The following FREM1 variants were observed in gnomAD, a reference collection of about 807,000 sequenced individuals.
FREM1 encodes the protein FRAS1-related extracellular matrix protein 1.
In FREM1, 220 loss-of-function variants were observed where a neutral mutation model predicts 210.1. That is an observed-to-expected ratio of 1.05 (90% CI 0.94 to 1.17). The LOEUF (loss-of-function observed/expected upper bound fraction) is 1.17. Among genes scored for constraint, FREM1 ranks in the 50% most tolerant of loss-of-function variants. The pLI, the probability that FREM1 is intolerant of heterozygous loss-of-function variation, is 0.00. For synonymous variants in FREM1, 1,189 were observed against 980.2 expected, an observed-to-expected ratio of 1.21 and a Z score of -3.98; for missense variants, 3,454 against 2,675.5, an observed-to-expected ratio of 1.29 and a Z score of -6.42.
Position 14,851,275 on chromosome 9 carries a change from C to G in FREM1, c.1152+9G>C, listed in dbSNP as rs1827691926. 1.9e-6 allele frequency: 3 copies of G among 1,566,026 alleles called. No individual in the cohort carries two copies. The East Asian group carries it at 6.7e-5, about 35-fold the overall frequency. On this transcript the variant is annotated intron_variant, in intron 6 of 36. Coordinates refer to ENST00000380880, the MANE Select transcript of FREM1 (RefSeq NM_001379081.2). ...TAACTAGGCTGGAAGCTTTGTCTCTCCTTCTTACCTCATCATGTCTCCTCT... is the reference window on the plus strand; with the variant it reads ...TAACTAGGCTGGAAGCTTTGTCTCTGCTTCTTACCTCATCATGTCTCCTCT...
At chr9:14,893,448 T>C (rs1837216279) in intron 1 of FREM1, among the ~76,000 whole-genome samples, 1 of 152,348 alleles carries the variant, frequency 6.6e-6, no homozygotes, top group South Asian at 2.1e-4. Context: ...TGTAACCATG[T>C]GGCCCTGCTT....
At chr9:14,767,965 CAGG>C (rs1260280280) in intron 27 of FREM1, among the ~76,000 whole-genome samples, 2 of 152,070 alleles carry the variant, frequency 1.3e-5, no homozygotes, top group Non-Finnish European at 2.9e-5. Context: ...CCAACAAAAG[CAGG>C]AGGATATTTA....
At chr9:14,875,499 T>A (rs142145599) in intron 1 of FREM1, among the ~76,000 whole-genome samples, 1 of 152,236 alleles carries the variant, frequency 6.6e-6, no homozygotes, top group East Asian at 1.9e-4. Flanking sequence ...CTTCACGTAG[T>A]TCTCGAGCCT....
chr9:14,861,298 TATAC>T (rs1176146907), intron 3 of FREM1, among the ~76,000 whole-genome samples: 4 of 115,196 alleles, frequency 3.5e-5, no homozygotes, highest in African/African-American at 9.2e-5. Flanking sequence ...TATATACATA[TATAC>T]ACATATATAC....
intron 34 of FREM1, 41 bp downstream of exon 34, chr9:14,746,882 A>G (rs769747031): frequency 8.1e-6 from 13 of 1,602,540 alleles, no homozygotes; most frequent in Admixed American, 1.7e-5. Flanking sequence ...CATAGAGCAC[A>G]TTGCGAATAA....
chr9:14,905,897 A>T (rs1817610247), intron 1 of FREM1, among the ~76,000 whole-genome samples: 1 of 110,080 alleles, frequency 9.1e-6, no homozygotes, highest in African/African-American at 2.8e-5. Context: ...TCTCAAATTT[A>T]AAAAAAGAAA....
chr9:14,856,989 T>C lies in FREM1; in HGVS notation c.828+564A>G, dbSNP rs577297502. ...CACTTTCTGTCATTATTTCAATATA[T>C]AGAGATCAATAGGAGAAAAACAAGA... On this transcript the variant is annotated intron_variant, in intron 5 of 36. Transcript: ENST00000380880. 1.4e-4 allele frequency among the ~76,000 whole-genome samples: 21 copies of C among 152,250 alleles called. No homozygotes were observed. In the South Asian group the frequency reaches 4.1e-3, roughly 30 times the overall value.
At chr9:14,770,282 T>A (rs1847297089) in intron 26 of FREM1, among the ~76,000 whole-genome samples, 1 of 152,156 alleles carries the variant, frequency 6.6e-6, no homozygotes, top group African/African-American at 2.4e-5. Flanking sequence ...CATTTAGAAT[T>A]CATGACAGAA....
intron 5 of FREM1, 76 bp from the exon 6 acceptor site, chr9:14,851,683 T>C: frequency 8.7e-7 from 1 of 1,146,828 alleles, no homozygotes; most frequent in Non-Finnish European, 1.3e-6. Context: ...AATAGCATAA[T>C]ATTTAATACA....
chr9:14,863,889 A>C lies in FREM1; in HGVS notation c.249T>G (p.His83Gln). 1 of 1,608,366 alleles carries C rather than the reference A, an allele frequency of 6.2e-7. No individual in the cohort carries two copies. Among genetic ancestry groups the C allele is most frequent in the East Asian group, 2.2e-5 (1 of 44,860 alleles). The change falls in exon 3 of 37, where the codon CAT (histidine) becomes CAG (glutamine). Residue 83 changes from histidine (H) to glutamine (Q), a missense_variant. His to Gln is a conservative substitution (Grantham distance 24). Transcript: ENST00000380880. ...CATACTTGACTTCGTTGGGAAGGAA[A>C]TGGCAGTCAAAGACCTAGTTCACAT... is the stretch of plus-strand genomic sequence containing the variant. ...GKLTPQVFDC[H>Q]FLPNEVKYVH...
intron 1 of FREM1, among the ~76,000 whole-genome samples, chr9:14,897,590 ATTTTT>A (rs34932903): frequency 6.8e-6 from 1 of 146,324 alleles, no homozygotes; most frequent in Non-Finnish European, 1.5e-5. Flanking sequence ...TGTAATGATA[ATTTTT>A]TTTTTTTTTT....
intron 1 of FREM1, among the ~76,000 whole-genome samples, chr9:14,877,449 T>TTTTTTTTTTTTTTTTTTGA (rs1335221889): frequency 2.0e-5 from 3 of 150,982 alleles, no homozygotes; most frequent in Non-Finnish European, 4.4e-5. Context: ...TGTTTCTTTA[T>TTTTTTTTTTTTTTTTTTGA]GGTAGACAGA....
chr9:14,781,397 G>A (rs531018802), intron 24 of FREM1, among the ~76,000 whole-genome samples: 1 of 152,188 alleles, frequency 6.6e-6, no homozygotes, highest in South Asian at 2.1e-4. Context: ...CTAATCTTGA[G>A]TAATTGAAAC....
intron 27 of FREM1, among the ~76,000 whole-genome samples, chr9:14,761,269 C>T (rs925780920): frequency 2.0e-5 from 3 of 152,122 alleles, no homozygotes; most frequent in Non-Finnish European, 4.4e-5. Context: ...ATAAACTCAA[C>T]AGTGTAGGTT....
intron 6 of FREM1, 145 bp from the exon 7 acceptor site, chr9:14,848,918 C>A (rs749150121): frequency 2.3e-5 from 11 of 468,604 alleles, no homozygotes; most frequent in Admixed American, 1.3e-4. Flanking sequence ...ATTTAGACAT[C>A]CTGATTTGAC....
intron 5 of FREM1, among the ~76,000 whole-genome samples, chr9:14,856,758 G>A (rs374454579): frequency 4.0e-5 from 6 of 151,470 alleles, no homozygotes; most frequent in African/African-American, 1.5e-4. Context: ...GCATGAACTT[G>A]GGAGGCAGAG....
At chr9:14,784,305 A>G (rs977582719) in intron 24 of FREM1, 65 bp downstream of exon 24, 3 of 1,479,324 alleles carry the variant, frequency 2.0e-6, no homozygotes, top group African/African-American at 2.8e-5. Context: ...AAGCACATTA[A>G]CAGATCTCCT....
intron 21 of FREM1, among the ~76,000 whole-genome samples, chr9:14,796,964 G>T (rs755345855): frequency 1.3e-5 from 2 of 152,146 alleles, no homozygotes; most frequent in African/African-American, 4.8e-5. Flanking sequence ...TGATGATTTC[G>T]ATGTGAGGCG....
chr9:14,902,350 G>T (rs1172583498), intron 1 of FREM1, among the ~76,000 whole-genome samples: 1 of 152,064 alleles, frequency 6.6e-6, no homozygotes, highest in Non-Finnish European at 1.5e-5. Flanking sequence ...GATATCATTT[G>T]CCATTCTTAA....
Sources: allele counts gnomAD v4.1 joint callset (sites outside exome capture counted in the v4.1 genomes callset), GRCh38; gene constraint gnomAD v4.1.1; transcripts MANE v1.5; gene names NCBI Gene and HGNC (gene_info 2026-07-23, HGNC 2026-07-21).